Variants in RBFOX1 observed in about 807,000 individuals in gnomAD.
The protein encoded by RBFOX1 is RNA binding fox-1 homolog 1.
A neutral mutation model predicts 57.7 loss-of-function variants in RBFOX1; 8 were observed. That is an observed-to-expected ratio of 0.14 (90% CI 0.08 to 0.25). The LOEUF is 0.25. Ranked by LOEUF, RBFOX1 falls within the 10% of genes least tolerant of loss-of-function variation. The probability of loss-of-function intolerance (pLI) is 1.00; values close to 1 mark genes in which losing one functional copy is unlikely to be tolerated. For missense variants in RBFOX1, 611 were observed against 548.5 expected, an observed-to-expected ratio of 1.11 and a Z score of -1.14; for synonymous variants, 326 against 222.4, an observed-to-expected ratio of 1.47 and a Z score of -4.15.
chr16:5,254,991 G>C (rs1043469459), intron 1 of RBFOX1, among the ~76,000 whole-genome samples: 10 of 152,162 alleles, frequency 6.6e-5, no homozygotes, highest in Non-Finnish European at 1.3e-4. Context: ...GGAACCCCTG[G>C]CTCTACCTGC....
At chr16:5,867,065 T>A (rs1162159199) in intron 3 of RBFOX1, among the ~76,000 whole-genome samples, 1 of 152,190 alleles carries the variant, frequency 6.6e-6, no homozygotes, top group African/African-American at 2.4e-5. Flanking sequence ...TGTTATAATA[T>A]GTTGAAAATA....
At chr16:7,391,772 A>T (rs543925179) in intron 4 of RBFOX1, among the ~76,000 whole-genome samples, 7 of 152,324 alleles carry the variant, frequency 4.6e-5, no homozygotes, top group South Asian at 2.1e-4. Context: ...GTAGGCTTTT[A>T]ACAGTGACTA....
intron 3 of RBFOX1, among the ~76,000 whole-genome samples, chr16:6,666,875 C>G (rs9934375): frequency 0.085 from 12,912 of 152,104 alleles, 624 homozygotes; most frequent in East Asian, 0.19. Flanking sequence ...ATCTCGGGGT[C>G]CTCAATGAGT....
chr16:5,676,585 G>A (rs190118219), intron 3 of RBFOX1, among the ~76,000 whole-genome samples: 1 of 152,298 alleles, frequency 6.6e-6, no homozygotes, highest in East Asian at 1.9e-4. Flanking sequence ...AACATGCTGG[G>A]TGTGGTGGCT....
chr16:6,499,821 A>C (rs2095864681), intron 2 of RBFOX1, among the ~76,000 whole-genome samples: 2 of 152,106 alleles, frequency 1.3e-5, no homozygotes, highest in Admixed American at 1.3e-4. Context: ...ATTCGCGGGT[A>C]ATCGATACCT....
At chr16:6,642,848 C>G (rs1415937955) in intron 2 of RBFOX1, among the ~76,000 whole-genome samples, 1 of 152,098 alleles carries the variant, frequency 6.6e-6, no homozygotes, top group Non-Finnish European at 1.5e-5. Context: ...AAGTCAGCAG[C>G]TCTGCCCTGC....
intron 4 of RBFOX1, among the ~76,000 whole-genome samples, chr16:5,937,486 T>C (rs1404755045): frequency 6.6e-6 from 1 of 152,108 alleles, no homozygotes; most frequent in Non-Finnish European, 1.5e-5. Context: ...GCAGGAATTT[T>C]TCAGCAGTGA....
intron 4 of RBFOX1, among the ~76,000 whole-genome samples, chr16:7,307,249 A>G (rs970154157): frequency 1.3e-5 from 2 of 152,194 alleles, no homozygotes; most frequent in Admixed American, 1.3e-4. Context: ...GCAGTTTCAT[A>G]TGGTTATTTC....
At chr16:6,172,428 G>C (rs2069844264) in intron 1 of RBFOX1, among the ~76,000 whole-genome samples, 1 of 152,148 alleles carries the variant, frequency 6.6e-6, no homozygotes, top group Non-Finnish European at 1.5e-5. Flanking sequence ...CAAACCCTTG[G>C]TGTCTGGAGA....
Position 6,197,371 on chromosome 16 carries a change from C to T in RBFOX1, c.-126-119624C>T, listed in dbSNP as rs970940469. 3.3e-5 allele frequency among the ~76,000 whole-genome samples: 5 copies of T among 152,194 alleles called. No individual in the cohort carries two copies. The East Asian group carries it at 5.8e-4, about 18-fold the overall frequency. On this transcript the variant is annotated intron_variant, in intron 1 of 15. Coordinates refer to ENST00000550418, the MANE Select transcript of RBFOX1 (RefSeq NM_018723.4). ...GTTGTGTCTCAAACTGAAATCAATA[C>T]CCCTCCACCCCATCCGCAATCTGCA...
intron 2 of RBFOX1, among the ~76,000 whole-genome samples, chr16:6,375,236 C>A (rs79262768): frequency 2.4e-4 from 36 of 152,170 alleles, no homozygotes; most frequent in African/African-American, 8.4e-4. Context: ...ATAGGGAATT[C>A]TCCATGTCAT....
At chr16:5,600,359 G>A (rs1289294532), downstream of RBFOX1, among the ~76,000 whole-genome samples, 2 of 151,208 alleles carry the variant, frequency 1.3e-5, no homozygotes, top group African/African-American at 4.9e-5. Context: ...GGTGTTGTGC[G>A]CCTGCAGTCT....
At chr16:5,846,833 G>A (rs1212189354) in intron 3 of RBFOX1, among the ~76,000 whole-genome samples, 1 of 152,200 alleles carries the variant, frequency 6.6e-6, no homozygotes, top group East Asian at 1.9e-4. Flanking sequence ...GCTTCACTGG[G>A]GACTTGGGAT....
chr16:5,740,844 G>C (rs1483536665), intron 3 of RBFOX1, among the ~76,000 whole-genome samples: 1 of 152,138 alleles, frequency 6.6e-6, no homozygotes, highest in African/African-American at 2.4e-5. Flanking sequence ...CCTTGTCTCT[G>C]ATGAGGATTA....
chr16:7,523,042 T>C (rs1005935810), intron 5 of RBFOX1, among the ~76,000 whole-genome samples: 3 of 152,226 alleles, frequency 2.0e-5, no homozygotes, highest in Admixed American at 2.0e-4. Flanking sequence ...TCTTTTGCTA[T>C]AGCTTAATTT....
At chr16:6,225,996 C>T (rs1007870449) in intron 1 of RBFOX1, among the ~76,000 whole-genome samples, 35 of 151,992 alleles carry the variant, frequency 2.3e-4, no homozygotes, top group African/African-American at 7.5e-4. Flanking sequence ...TGTAACAATT[C>T]TAAGGATGTT....
At chr16:5,962,990 T>G (rs549604363) in intron 4 of RBFOX1, among the ~76,000 whole-genome samples, 1 of 152,290 alleles carries the variant, frequency 6.6e-6, no homozygotes, top group South Asian at 2.1e-4. Context: ...GTCTTGAATT[T>G]AGAAAGTGTT....
chr16:7,279,029 C>T (rs566557941), intron 4 of RBFOX1, among the ~76,000 whole-genome samples: 133 of 150,392 alleles, frequency 8.8e-4, no homozygotes, highest in South Asian at 1.9e-3. Flanking sequence ...AAACTGATGA[C>T]GGATGGATAA....
At chr16:7,600,953 A>G (rs1038442694) in intron 9 of RBFOX1, among the ~76,000 whole-genome samples, 16 of 152,150 alleles carry the variant, frequency 1.1e-4, no homozygotes, top group African/African-American at 2.2e-4. Context: ...CTATTTCTCT[A>G]TTGCTATTTC....
Sources: allele counts gnomAD v4.1 joint callset (sites outside exome capture counted in the v4.1 genomes callset), GRCh38; gene constraint gnomAD v4.1.1; transcripts MANE v1.5; gene names NCBI Gene and HGNC (gene_info 2026-07-23, HGNC 2026-07-21).